EPHB1: variants seen among roughly 807,000 people sequenced by gnomAD.
EPHB1 encodes ephrin type-B receptor 1.
EPHB1 carries 30 observed loss-of-function variants against 94.4 expected under a neutral mutation model. That is an observed-to-expected ratio of 0.32 (90% confidence interval 0.24 to 0.43). EPHB1 has a LOEUF of 0.43. Ranked by LOEUF, EPHB1 falls within the 20% of genes least tolerant of loss-of-function variation. The probability of loss-of-function intolerance (pLI) is 1.00; values close to 1 mark genes in which losing one functional copy is unlikely to be tolerated. For synonymous variants in EPHB1, 522 were observed against 489.1 expected, an observed-to-expected ratio of 1.07 and a Z score of -0.89; for missense variants, 1,055 against 1,308.3, an observed-to-expected ratio of 0.81 and a Z score of 2.99.
chr3:134,987,534 C>T (rs528240315), intron 3 of EPHB1, among the ~76,000 whole-genome samples: 10 of 152,172 alleles, frequency 6.6e-5, no homozygotes, highest in Non-Finnish European at 1.0e-4. Context: ...CTGAGGCTGG[C>T]GGATCACGAG....
intron 12 of EPHB1, among the ~76,000 whole-genome samples, chr3:135,209,100 G>A (rs1438642923): frequency 1.3e-5 from 2 of 152,122 alleles, no homozygotes; most frequent in East Asian, 3.9e-4. Context: ...AATAAGATGG[G>A]GGCTATTGAG....
At chr3:135,225,980 A>G (rs1403562883) in intron 12 of EPHB1, among the ~76,000 whole-genome samples, 2 of 152,242 alleles carry the variant, frequency 1.3e-5, no homozygotes, top group Non-Finnish European at 2.9e-5. Context: ...AAGTAGATCA[A>G]ACAATAAAGA....
intron 1 of EPHB1, among the ~76,000 whole-genome samples, chr3:134,915,947 T>G (rs2038560351): frequency 6.6e-6 from 1 of 152,162 alleles, no homozygotes; most frequent in Non-Finnish European, 1.5e-5. Flanking sequence ...AGCCTACTTT[T>G]ATTCTCTTAT....
intron 12 of EPHB1, among the ~76,000 whole-genome samples, chr3:135,222,376 T>C (rs745453003): frequency 1.1e-4 from 16 of 152,290 alleles, no homozygotes; most frequent in Non-Finnish European, 2.2e-4. Flanking sequence ...CAATATGTGA[T>C]TGGTAAATGG....
intron 1 of EPHB1, among the ~76,000 whole-genome samples, chr3:134,923,330 G>A (rs929409077): frequency 6.6e-6 from 1 of 152,194 alleles, no homozygotes; most frequent in Non-Finnish European, 1.5e-5. Context: ...GGCCCATCAT[G>A]TTAAGCTGTG....
intron 6 of EPHB1, among the ~76,000 whole-genome samples, chr3:135,156,133 T>C (rs1941346890): frequency 6.6e-6 from 1 of 151,916 alleles, no homozygotes; most frequent in African/African-American, 2.4e-5. Context: ...TCACTGTGGG[T>C]AGAGCATATC....
intron 12 of EPHB1, among the ~76,000 whole-genome samples, chr3:135,227,010 A>G (rs996544486): frequency 1.4e-4 from 21 of 152,174 alleles, no homozygotes; most frequent in Admixed American, 1.2e-3. Flanking sequence ...GACACTGCAG[A>G]CTACTGAAGG....
chr3:134,844,355 T>A (rs532807343), intron 1 of EPHB1, among the ~76,000 whole-genome samples: 1 of 152,298 alleles, frequency 6.6e-6, no homozygotes, highest in South Asian at 2.1e-4. Context: ...GGCTTTCCAG[T>A]GGGATCTTCC....
At chr3:135,137,405 C>T (rs190739010) in intron 5 of EPHB1, among the ~76,000 whole-genome samples, 1 of 152,134 alleles carries the variant, frequency 6.6e-6, no homozygotes, top group Non-Finnish European at 1.5e-5. Context: ...CAAAGAAATC[C>T]AATTCTGGAT....
chr3:134,796,090 C>T lies in EPHB1; in HGVS notation c.58+401C>T, dbSNP rs143043585. On this transcript the variant is annotated intron_variant, in intron 1 of 15. Coordinates refer to ENST00000398015, the MANE Select transcript of EPHB1 (RefSeq NM_004441.5). ...CCATCCGGCTCCTGGAGTACTGGCG[C>T]CCGTCTGCTCCCAGGCACGGATACG... is the stretch of plus-strand genomic sequence containing the variant. The T allele has an allele frequency of 1.5e-3, 412 of 272,064 alleles. 1 individual carries two copies. Among genetic ancestry groups the T allele is most frequent in the Non-Finnish European group, 2.5e-3 (357 of 143,530 alleles). The allele number at this position is 272,064 out of a possible 1,614,324, so 16.9% of individuals were successfully genotyped here.
intron 1 of EPHB1, among the ~76,000 whole-genome samples, chr3:134,797,533 G>A (rs1367438473): frequency 6.6e-6 from 1 of 152,234 alleles, no homozygotes; most frequent in African/African-American, 2.4e-5. Flanking sequence ...ACTTTGGGGA[G>A]CGTGCTCTCG....
At chr3:135,237,111 G>A (rs1943674893) in intron 12 of EPHB1, among the ~76,000 whole-genome samples, 1 of 152,106 alleles carries the variant, frequency 6.6e-6, no homozygotes, top group Non-Finnish European at 1.5e-5. Context: ...GATGCTTGCT[G>A]CAGACTGTCT....
At chr3:134,987,193 T>C (rs1934630854) in intron 3 of EPHB1, among the ~76,000 whole-genome samples, 1 of 152,186 alleles carries the variant, frequency 6.6e-6, no homozygotes, top group Admixed American at 6.5e-5. Context: ...TTATTAAGCA[T>C]ATAATACGTA....
At chr3:134,898,868 G>A (rs2038141602) in intron 1 of EPHB1, among the ~76,000 whole-genome samples, 1 of 152,082 alleles carries the variant, frequency 6.6e-6, no homozygotes, top group Non-Finnish European at 1.5e-5. Flanking sequence ...TGCAGTGCTG[G>A]GTGTGCTGTG....
At chr3:134,924,830 T>G (rs1181477592) in intron 1 of EPHB1, among the ~76,000 whole-genome samples, 1 of 152,180 alleles carries the variant, frequency 6.6e-6, no homozygotes, top group Non-Finnish European at 1.5e-5. Flanking sequence ...ATGGTTCCAT[T>G]TATACGAAAT....
In EPHB1 at chr3:135,020,680, G is replaced by C. The variant is rs754920267; in HGVS notation, c.805+68628G>C. On this transcript the variant is annotated intron_variant, in intron 3 of 15. Transcript: ENST00000398015. The stretch of plus-strand genomic sequence containing the variant: ...ATTGACTGTTTCAAGCTTTCCCTTT[G>C]TGATCTACCCCTCCTATTCTCCGAG... Among the ~76,000 whole-genome samples the C allele has an allele frequency of 4.7e-4, 72 of 152,076 alleles. 1 individual carries two copies. Among genetic ancestry groups the C allele is most frequent in the Non-Finnish European group, 8.8e-5 (6 of 68,012 alleles).
At chr3:134,840,741 G>A (rs1041235632) in intron 1 of EPHB1, among the ~76,000 whole-genome samples, 2 of 152,144 alleles carry the variant, frequency 1.3e-5, no homozygotes, top group African/African-American at 2.4e-5. Flanking sequence ...TCTGGGTGCC[G>A]TTTTACAGAG....
chr3:135,258,258 CATT>C (rs1308783726), intron 15 of EPHB1, among the ~76,000 whole-genome samples: 2 of 152,192 alleles, frequency 1.3e-5, no homozygotes, highest in Non-Finnish European at 2.9e-5. Flanking sequence ...TTTTTATCAT[CATT>C]GTGTTTGCAG....
chr3:134,855,137 GT>G (rs1381413835), intron 1 of EPHB1, among the ~76,000 whole-genome samples: 1 of 152,154 alleles, frequency 6.6e-6, no homozygotes, highest in Non-Finnish European at 1.5e-5. Flanking sequence ...TATTTTACCT[GT>G]TTGCTTATAT....
Sources: allele counts gnomAD v4.1 joint callset (sites outside exome capture counted in the v4.1 genomes callset), GRCh38; gene constraint gnomAD v4.1.1; transcripts MANE v1.5; gene names NCBI Gene and HGNC (gene_info 2026-07-23, HGNC 2026-07-21).